The following MAP3K20 variants were observed in gnomAD, a reference collection of about 807,000 sequenced individuals.
The protein encoded by MAP3K20 is HCCS-4.
MAP3K20 carries 40 observed loss-of-function variants against 85.7 expected under a neutral mutation model. The ratio of observed to expected loss-of-function variants is 0.47; its 90% CI spans 0.36 to 0.61. The LOEUF is 0.61. Ranked by LOEUF, MAP3K20 falls within the 20% of genes least tolerant of loss-of-function variation. The pLI is 0.00. For missense variants in MAP3K20, 817 were observed against 961.7 expected, an observed-to-expected ratio of 0.85 and a Z score of 1.99; for synonymous variants, 325 against 327.7, an observed-to-expected ratio of 0.99 and a Z score of 0.09.
At chr2:173,200,533 A>C (rs1691016840) in intron 8 of MAP3K20, among the ~76,000 whole-genome samples, 1 of 152,248 alleles carries the variant, frequency 6.6e-6, no homozygotes, top group African/African-American at 2.4e-5. Flanking sequence ...AATGTTATCT[A>C]GTCATCTATA....
intron 2 of MAP3K20, among the ~76,000 whole-genome samples, chr2:173,158,990 A>T (rs1427225009): frequency 1.3e-5 from 2 of 152,234 alleles, no homozygotes; most frequent in African/African-American, 4.8e-5. Context: ...ACAAAAATGG[A>T]TAGAAATGTA....
intron 7 of MAP3K20, among the ~76,000 whole-genome samples, chr2:173,195,193 A>T (rs1178364580): frequency 6.6e-6 from 1 of 151,488 alleles, no homozygotes; most frequent in East Asian, 1.9e-4. Context: ...CTCTTTAAAA[A>T]AAAAAAAAAA....
intron 2 of MAP3K20, among the ~76,000 whole-genome samples, chr2:173,165,651 G>T (rs1008713324): frequency 6.6e-6 from 1 of 151,932 alleles, no homozygotes; most frequent in South Asian, 2.1e-4. Flanking sequence ...CTATTTCAGC[G>T]TAATTAAGTG....
chr2:173,152,383 A>C (rs910919716), intron 2 of MAP3K20, among the ~76,000 whole-genome samples: 1 of 152,184 alleles, frequency 6.6e-6, no homozygotes, highest in Non-Finnish European at 1.5e-5. Context: ...TTACATGGGA[A>C]GAGTTCTACC....
At chr2:173,179,963 A>G (rs928007581) in intron 3 of MAP3K20, among the ~76,000 whole-genome samples, 3 of 152,336 alleles carry the variant, frequency 2.0e-5, no homozygotes, top group East Asian at 1.9e-4. Context: ...TTGCTGAGAA[A>G]ATTAAAGATC....
chr2:173,084,919 G>A (rs1298105102), intron 1 of MAP3K20, among the ~76,000 whole-genome samples: 1 of 152,152 alleles, frequency 6.6e-6, no homozygotes, highest in East Asian at 1.9e-4. Context: ...TAACAGATCT[G>A]CTCATAGATC....
At chr2:173,177,462 T>TTTTTGG (rs1690194278) in intron 3 of MAP3K20, among the ~76,000 whole-genome samples, 1 of 150,466 alleles carries the variant, frequency 6.6e-6, no homozygotes, top group South Asian at 2.1e-4. Flanking sequence ...TTTTTTTTTT[T>TTTTTGG]GAGATGAAGT....
intron 2 of MAP3K20, among the ~76,000 whole-genome samples, chr2:173,130,919 C>G (rs1376155550): frequency 1.3e-5 from 2 of 152,198 alleles, no homozygotes; most frequent in Non-Finnish European, 2.9e-5. Context: ...TCTACTGAAA[C>G]ATGTGGCTAT....
At chr2:173,185,776 GA>G (rs34343125) in intron 4 of MAP3K20, among the ~76,000 whole-genome samples, 1 of 152,190 alleles carries the variant, frequency 6.6e-6, no homozygotes, top group Non-Finnish European at 1.5e-5. Context: ...AAGTATATCT[GA>G]AATTGCTGCA....
At chr2:173,189,322 C>T (rs934186519) in intron 5 of MAP3K20, among the ~76,000 whole-genome samples, 2 of 152,142 alleles carry the variant, frequency 1.3e-5, no homozygotes, top group Non-Finnish European at 2.9e-5. Flanking sequence ...TTAGATCATA[C>T]AAAGATCATT....
rs1351658012 is a variant in MAP3K20 at position 173,134,193 on chromosome 2, C to CT, written c.160-35597dup. On this transcript the variant is annotated intron_variant, in intron 2 of 19. Transcript: ENST00000375213. ...CACCCTCCTTGTTTTCAATAGCTATCTTTTTTTTTTTTTTTGAGACAGAAT... is the reference window on the plus strand; with the variant it reads ...CACCCTCCTTGTTTTCAATAGCTATCTTTTTTTTTTTTTTTTGAGACAGAAT... Among the ~76,000 whole-genome samples the CT allele has an allele frequency of 6.8e-3, 890 of 130,402 alleles. 7 individuals carry two copies. Among genetic ancestry groups the CT allele is most frequent in the Middle Eastern group, 0.012 (3 of 258 alleles). The allele number at this position is 130,402 out of a possible 152,430, so 85.5% of individuals were successfully genotyped here.
At chr2:173,148,109 A>G (rs1477380919) in intron 2 of MAP3K20, among the ~76,000 whole-genome samples, 2 of 152,096 alleles carry the variant, frequency 1.3e-5, no homozygotes, top group Non-Finnish European at 2.9e-5. Flanking sequence ...TCTGAAGTTA[A>G]TCCTACAAGA....
intron 18 of MAP3K20, 147 bp from the exon 19 acceptor site, chr2:173,263,597 AG>A (rs1309373768): frequency 1.3e-6 from 1 of 741,836 alleles, no homozygotes; most frequent in Non-Finnish European, 2.1e-6. Flanking sequence ...ATATTTTCCT[AG>A]TGCATTATGA....
intron 7 of MAP3K20, among the ~76,000 whole-genome samples, chr2:173,192,469 G>A (rs1690686247): frequency 6.6e-6 from 1 of 152,018 alleles, no homozygotes; most frequent in Non-Finnish European, 1.5e-5. Context: ...AATTTTAAAG[G>A]TCAGAAGGCA....
chr2:173,265,031 C>A (rs909072190), intron 19 of MAP3K20, among the ~76,000 whole-genome samples: 5 of 114,438 alleles, frequency 4.4e-5, no homozygotes, highest in African/African-American at 1.5e-4. Flanking sequence ...ATAAAATACA[C>A]ACATACACAC....
chr2:173,092,752 T>C (rs1559227428), intron 2 of MAP3K20, among the ~76,000 whole-genome samples: 1 of 152,150 alleles, frequency 6.6e-6, no homozygotes, highest in Non-Finnish European at 1.5e-5. Context: ...CAGATTTTGA[T>C]AGGAAAATAT....
chr2:173,170,524 T>TGTAG (rs1453338242), intron 3 of MAP3K20, among the ~76,000 whole-genome samples: 9 of 152,238 alleles, frequency 5.9e-5, no homozygotes, highest in Admixed American at 4.6e-4. Context: ...CTGAATAGCT[T>TGTAG]GTAGGTCTAT....
intron 2 of MAP3K20, among the ~76,000 whole-genome samples, chr2:173,149,231 C>A (rs955828476): frequency 1.2e-4 from 18 of 152,088 alleles, no homozygotes; most frequent in African/African-American, 4.3e-4. Context: ...ACAAAGTGTT[C>A]TTGTATTTAT....
Position 173,203,842 on chromosome 2 carries a change from T to TAA in MAP3K20, c.717_718insAA (p.His240AsnfsTer56), listed in dbSNP as rs758309048. On this transcript the variant is annotated frameshift_variant, in exon 9 of 20. Coordinates refer to ENST00000375213, the MANE Select transcript of MAP3K20 (RefSeq NM_016653.3). LOFTEE classifies it high-confidence loss of function. ...TGCCCCAGAAGTTTTGCTGAACTGTTACATCAGTGTTGGGAAGCTGATGCC... is the reference window on the plus strand; with the variant it reads ...TGCCCCAGAAGTTTTGCTGAACTGTTAAACATCAGTGTTGGGAAGCTGATGCC... 6.2e-7 allele frequency: 1 copy of TAA among 1,613,988 alleles called. No homozygotes were observed. The highest frequency in any genetic ancestry group is 8.5e-7 in the Non-Finnish European group (1 of 1,179,914).
Sources: allele counts gnomAD v4.1 joint callset (sites outside exome capture counted in the v4.1 genomes callset), GRCh38; gene constraint gnomAD v4.1.1; transcripts MANE v1.5; gene names NCBI Gene and HGNC (gene_info 2026-07-23, HGNC 2026-07-21).